Variants in MCRIP1 observed in about 807,000 individuals in gnomAD.
MCRIP1 encodes the protein MAPK regulated corepressor interacting protein 1, also known as mapk-regulated corepressor-interacting protein 1.
Under a neutral mutation model 14.4 loss-of-function variants are expected in MCRIP1, and 10 were observed. That is an observed-to-expected ratio of 0.70 (90% CI 0.43 to 1.18). MCRIP1 has a LOEUF of 1.18. Ranked by LOEUF, MCRIP1 falls within the 50% of genes most tolerant of loss-of-function variation. MCRIP1 has a pLI of 0.00. For missense variants in MCRIP1, 119 were observed against 135.4 expected (o/e 0.88, Z 0.60); for synonymous variants, 53 against 55.7 (o/e 0.95, Z 0.21).
Position 81,823,673 on chromosome 17 carries a change from C to A in MCRIP1, c.128-160G>T. ...CAGCCCTCTGCCCACCCCAGCCTCA[C>A]TCACCTGCAGACCCCGTCCCCGCTC... On this transcript the variant is annotated intron_variant, in intron 3 of 4. Coordinates refer to ENST00000455127, the MANE Select transcript of MCRIP1 (RefSeq NM_207368.5). This position sits in a 1 kb window ranked among gnomAD's most constrained non-coding sequence, Gnocchi z 6.0. The A allele has an allele frequency of 1.5e-6, 1 of 647,138 alleles. No individual in the cohort carries two copies. The highest frequency in any genetic ancestry group is 2.7e-6 in the Non-Finnish European group (1 of 368,428). The allele number at this position is 647,138 out of a possible 1,614,324, so 40.1% of individuals were successfully genotyped here. A position where few individuals can be genotyped will look rare whatever the true frequency, so the allele number is the denominator to read the frequency against.
Position 81,823,214 on chromosome 17 carries a change from T to C in MCRIP1, c.*33A>G. 6.5e-7 allele frequency: 1 copy of C among 1,534,222 alleles called. No individual in the cohort carries two copies. The highest frequency in any genetic ancestry group is 8.7e-7 in the Non-Finnish European group (1 of 1,145,574). ...AGGGAACCGACACCTCGCACCCTGA[T>C]CTTCCGGAGGCCGGGGAGGGGCACC... On this transcript the variant is annotated 3_prime_UTR_variant, in exon 5 of 5. Coordinates refer to ENST00000455127, the MANE Select transcript of MCRIP1 (RefSeq NM_207368.5). This position sits in a 1 kb window ranked among gnomAD's most constrained non-coding sequence, Gnocchi z 6.0.
Position 81,825,898 on chromosome 17 carries a change from G to C in MCRIP1, c.-48-1344C>G, listed in dbSNP as rs978163546. 7.0e-6 allele frequency: 9 copies of C among 1,292,092 alleles called. No individual in the cohort carries two copies. In the Admixed American group the frequency reaches 2.1e-4, roughly 30 times the overall value. The allele number at this position is 1,292,092 out of a possible 1,614,324, so 80.0% of individuals were successfully genotyped here. ...CTGTTTGGGTTGAGGGTCCCACAGGGACATGCTGCCTGCTGGGAAGCTCCC... is the reference window on the plus strand; with the variant it reads ...CTGTTTGGGTTGAGGGTCCCACAGGCACATGCTGCCTGCTGGGAAGCTCCC... On this transcript the variant is annotated intron_variant, in intron 1 of 4. Coordinates refer to ENST00000455127, the MANE Select transcript of MCRIP1 (RefSeq NM_207368.5).
chr17:81,831,001 C>T (rs924257029), intron 1 of MCRIP1, among the ~76,000 whole-genome samples: 2 of 151,832 alleles, frequency 1.3e-5, no homozygotes, highest in Admixed American at 1.3e-4. Flanking sequence ...AACCCCATCT[C>T]TACTAAAAAA....
chr17:81,832,818 C>A (rs2038546975), intron 1 of MCRIP1, among the ~76,000 whole-genome samples: 1 of 152,230 alleles, frequency 6.6e-6, no homozygotes, highest in Non-Finnish European at 1.5e-5. Context: ...TGCGGACGGC[C>A]GGGCCCGCGG....
Position 81,823,050 on chromosome 17 carries a change from G to A in MCRIP1, c.*197C>T, listed in dbSNP as rs541595446. 98 of 627,106 alleles carry A rather than the reference G, an allele frequency of 1.6e-4. 1 individual carries two copies. In the South Asian group the frequency reaches 1.8e-3, roughly 12 times the overall value. The allele number at this position is 627,106 out of a possible 1,614,324, so 38.8% of individuals were successfully genotyped here. The stretch of plus-strand genomic sequence containing the variant: ...CAGGGCCCAGACCCCCATGATGGGG[G>A]CAGCCTGAGACCCCCAAGGATGAAG... On this transcript the variant is annotated 3_prime_UTR_variant, in exon 5 of 5. Transcript: ENST00000455127. The surrounding 1 kb of genome is among the most constrained non-coding windows in gnomAD (Gnocchi z 6.0).
At chr17:81,829,148 C>G (rs1232282541) in intron 1 of MCRIP1, among the ~76,000 whole-genome samples, 1 of 152,154 alleles carries the variant, frequency 6.6e-6, no homozygotes, top group East Asian at 1.9e-4. Flanking sequence ...AAAGACCCAG[C>G]ACACGGCAGA....
chr17:81,828,105 C>A (rs1462844564), intron 1 of MCRIP1, among the ~76,000 whole-genome samples: 1 of 152,064 alleles, frequency 6.6e-6, no homozygotes, highest in South Asian at 2.1e-4. Context: ...TTTAAGTCAA[C>A]AAGGAGTCTC....
At chr17:81,826,757 GC>G in intron 1 of MCRIP1, 2 of 198,542 alleles carry the variant, frequency 1.0e-5, no homozygotes, top group South Asian at 1.6e-4. Flanking sequence ...AGGTGGAGGT[GC>G]AGTGAGCCAA....
At chr17:81,826,170 A>G (rs775738115) in intron 1 of MCRIP1, 84 of 1,498,470 alleles carry the variant, frequency 5.6e-5, no homozygotes, top group Non-Finnish European at 7.1e-5. Flanking sequence ...GATCCCACTG[A>G]TTGCCCCACA....
chr17:81,826,885 C>T (rs1045098928), intron 1 of MCRIP1, among the ~76,000 whole-genome samples: 8 of 138,286 alleles, frequency 5.8e-5, no homozygotes, highest in Admixed American at 1.4e-4. Context: ...TTTGGGAGGC[C>T]GAGGCGGGTG....
At chr17:81,828,118 T>C (rs998554503) in intron 1 of MCRIP1, among the ~76,000 whole-genome samples, 7 of 152,054 alleles carry the variant, frequency 4.6e-5, no homozygotes, top group Non-Finnish European at 7.4e-5. Flanking sequence ...GGAGTCTCGT[T>C]TGCCTCCTCT....
At chr17:81,824,592 C>T in intron 1 of MCRIP1, 38 bp from the exon 2 acceptor site, 1 of 1,535,688 alleles carries the variant, frequency 6.5e-7, no homozygotes, top group East Asian at 2.4e-5. Context: ...GACGCAGGGC[C>T]ACCCTCTCCA....
Position 81,824,421 on chromosome 17 carries a change from G to T in MCRIP1, c.9-16C>A. ...GACGGGGGAGCTGGGGGAGCCTGGC[G>T]CATGAGACAGGGCACACAGCAGGGT... is the stretch of plus-strand genomic sequence containing the variant. On this transcript the variant is annotated splice_polypyrimidine_tract_variant and intron_variant, in intron 2 of 4. Transcript: ENST00000455127. The T allele has an allele frequency of 6.5e-7, 1 of 1,533,348 alleles. No individual in the cohort carries two copies. The highest frequency in any genetic ancestry group is 8.7e-7 in the Non-Finnish European group (1 of 1,144,604). 95.0% of individuals were successfully genotyped at this position (1,533,348 alleles called of 1,614,324 possible).
In MCRIP1 at chr17:81,823,722, C is replaced by A; in HGVS notation, c.128-209G>T. The A allele has an allele frequency of 1.7e-6, 1 of 604,592 alleles. No homozygotes were observed. The highest frequency in any genetic ancestry group is 2.9e-6 in the Non-Finnish European group (1 of 339,696). 37.5% of individuals were successfully genotyped at this position (604,592 alleles called of 1,614,324 possible). On this transcript the variant is annotated intron_variant, in intron 3 of 4. Transcript: ENST00000455127. This position sits in a 1 kb window ranked among gnomAD's most constrained non-coding sequence, Gnocchi z 6.0. ...TCCTCTGGCAGGCCTGTCCCTTCCC[C>A]GCAAGATGACCAGGACTGTGGTCAG... is the stretch of plus-strand genomic sequence containing the variant.
intron 1 of MCRIP1, among the ~76,000 whole-genome samples, chr17:81,830,169 A>G (rs983353765): frequency 4.6e-5 from 7 of 152,152 alleles, no homozygotes; most frequent in Non-Finnish European, 1.0e-4. Flanking sequence ...TCTGAGCCTC[A>G]GCATCCTCAT....
intron 1 of MCRIP1, among the ~76,000 whole-genome samples, chr17:81,827,067 G>C (rs1430520236): frequency 1.4e-5 from 2 of 142,316 alleles, no homozygotes; most frequent in Non-Finnish European, 3.1e-5. Flanking sequence ...GCAGTGAGCC[G>C]AGATCGTGCC....
intron 1 of MCRIP1, among the ~76,000 whole-genome samples, chr17:81,831,402 CAAAAAAA>C (rs577541495): frequency 7.4e-5 from 5 of 67,794 alleles, no homozygotes; most frequent in African/African-American, 2.2e-4. Context: ...TCTCTGCCCT[CAAAAAAA>C]AAAAAAAAAA....
intron 1 of MCRIP1, among the ~76,000 whole-genome samples, chr17:81,827,775 CA>C (rs1434951304): frequency 9.7e-5 from 13 of 134,584 alleles, no homozygotes; most frequent in African/African-American, 2.3e-4. Flanking sequence ...TGCACCCATA[CA>C]TTTTTTTTTT....
At chr17:81,831,677 T>C (rs1266535056) in intron 1 of MCRIP1, among the ~76,000 whole-genome samples, 1 of 152,184 alleles carries the variant, frequency 6.6e-6, no homozygotes, top group Non-Finnish European at 1.5e-5. Context: ...AGTTCAGCGC[T>C]GAAGGAGCCT....
Sources: allele counts gnomAD v4.1 joint callset (sites outside exome capture counted in the v4.1 genomes callset), GRCh38; gene constraint gnomAD v4.1.1; non-coding constraint Gnocchi (gnomAD v3.1); transcripts MANE v1.5; gene names NCBI Gene and HGNC (gene_info 2026-07-23, HGNC 2026-07-21).